The following ADAMTS3 variants were observed in gnomAD, a reference collection of about 807,000 sequenced individuals.
The protein encoded by ADAMTS3 is A disintegrin and metalloproteinase with thrombospondin motifs 3.
ADAMTS3 carries 73 observed loss-of-function variants against 129.0 expected under a neutral mutation model. The observed-to-expected ratio is 0.57, with a 90% CI of 0.47 to 0.69. The LOEUF is 0.69. ADAMTS3 is among the 30% of genes least tolerant of loss of function. The pLI is 0.00. For missense variants in ADAMTS3, 1,457 were observed against 1,514.5 expected (o/e 0.96, Z 0.63); for synonymous variants, 477 against 510.8 (o/e 0.93, Z 0.89).
At chr4:72,331,407 T>C (rs1188244505) in intron 5 of ADAMTS3, among the ~76,000 whole-genome samples, 2 of 151,388 alleles carry the variant, frequency 1.3e-5, no homozygotes, top group Non-Finnish European at 2.9e-5. Context: ...AAACTATGTG[T>C]TCATGTTCAT....
intron 4 of ADAMTS3, among the ~76,000 whole-genome samples, chr4:72,366,366 G>A (rs932701386): frequency 1.3e-5 from 2 of 152,128 alleles, no homozygotes; most frequent in Non-Finnish European, 1.5e-5. Flanking sequence ...GGTAGAAGAC[G>A]ATGTGAAGTT....
intron 2 of ADAMTS3, among the ~76,000 whole-genome samples, chr4:72,554,690 A>G (rs1721720741): frequency 6.6e-6 from 1 of 151,682 alleles, no homozygotes; most frequent in African/African-American, 2.4e-5. Flanking sequence ...CTTTTCTTCT[A>G]ATTGCTTTTA....
At chr4:72,433,090 T>C (rs1214244095) in intron 3 of ADAMTS3, among the ~76,000 whole-genome samples, 1 of 151,892 alleles carries the variant, frequency 6.6e-6, no homozygotes, top group Non-Finnish European at 1.5e-5. Flanking sequence ...TATGCTGACT[T>C]TTTTTCCCGA....
At chr4:72,313,541 G>T in intron 12 of ADAMTS3, 136 bp downstream of exon 12, 1 of 840,984 alleles carries the variant, frequency 1.2e-6, no homozygotes, top group Non-Finnish European at 1.8e-6. Flanking sequence ...AACACAGACT[G>T]GTTTATGAAC....
At chr4:72,488,119 A>T (rs1341305954) in intron 3 of ADAMTS3, among the ~76,000 whole-genome samples, 1 of 152,040 alleles carries the variant, frequency 6.6e-6, no homozygotes, top group East Asian at 1.9e-4. Context: ...GGAGTGATTA[A>T]CCATGATCCT....
intron 4 of ADAMTS3, among the ~76,000 whole-genome samples, chr4:72,391,099 A>G (rs34916258): frequency 0.013 from 2,015 of 152,280 alleles, 20 homozygotes; most frequent in Non-Finnish European, 0.019. Context: ...AGTTACGGGT[A>G]ACATCACTGA....
intron 3 of ADAMTS3, among the ~76,000 whole-genome samples, chr4:72,480,022 A>G (rs2110004436): frequency 6.6e-6 from 1 of 152,216 alleles, no homozygotes; most frequent in Non-Finnish European, 1.5e-5. Context: ...TTAGAATGGC[A>G]ATCATTAAAA....
At chr4:72,477,632 C>T (rs1719278957) in intron 3 of ADAMTS3, among the ~76,000 whole-genome samples, 1 of 152,036 alleles carries the variant, frequency 6.6e-6, no homozygotes, top group African/African-American at 2.4e-5. Flanking sequence ...ATTAAAAGAT[C>T]TAGAAAAGCA....
chr4:72,350,042 T>C (rs904007236), intron 4 of ADAMTS3, among the ~76,000 whole-genome samples: 1 of 152,082 alleles, frequency 6.6e-6, no homozygotes, highest in African/African-American at 2.4e-5. Context: ...ATATTATTAA[T>C]GGAATACTAT....
chr4:72,442,201 G>T (rs2109961282), intron 3 of ADAMTS3: 1 of 151,936 alleles, frequency 6.6e-6, no homozygotes, highest in South Asian at 2.1e-4. Context: ...TGTCTCACAG[G>T]TGTGATGACA....
At chr4:72,352,777 G>T (rs1325925174) in intron 4 of ADAMTS3, among the ~76,000 whole-genome samples, 1 of 151,824 alleles carries the variant, frequency 6.6e-6, no homozygotes, top group African/African-American at 2.4e-5. Flanking sequence ...AAATAGGGTG[G>T]GCCCTTCCAG....
intron 3 of ADAMTS3, among the ~76,000 whole-genome samples, chr4:72,548,016 G>A (rs904818327): frequency 4.6e-5 from 7 of 152,244 alleles, no homozygotes; most frequent in African/African-American, 1.7e-4. Context: ...CAGAGAATCT[G>A]CTCATTTCCC....
intron 18 of ADAMTS3, 54 bp downstream of exon 18, chr4:72,298,223 G>T: frequency 6.8e-7 from 1 of 1,469,066 alleles, no homozygotes; most frequent in Non-Finnish European, 9.3e-7. Context: ...GTAGAAGCAA[G>T]ATTGGTTTTT....
chr4:72,478,758 T>G (rs974446915), intron 3 of ADAMTS3, among the ~76,000 whole-genome samples: 15 of 152,154 alleles, frequency 9.9e-5, no homozygotes, highest in Non-Finnish European at 1.9e-4. Flanking sequence ...AAATTGTCCC[T>G]GTTTGCAGTT....
intron 2 of ADAMTS3, among the ~76,000 whole-genome samples, chr4:72,564,938 G>A (rs1047629548): frequency 9.2e-5 from 14 of 152,156 alleles, no homozygotes; most frequent in Non-Finnish European, 1.9e-4. Flanking sequence ...TAGAAGTCAG[G>A]AGAGCAGTCA....
chr4:72,534,760 A>G (rs1387065967), intron 3 of ADAMTS3, among the ~76,000 whole-genome samples: 3 of 152,220 alleles, frequency 2.0e-5, no homozygotes, highest in Admixed American at 6.5e-5. Context: ...AATACAGCCC[A>G]TATTTCAAAC....
chr4:72,373,438 T>C (rs1721062358), intron 4 of ADAMTS3, among the ~76,000 whole-genome samples: 1 of 152,142 alleles, frequency 6.6e-6, no homozygotes, highest in African/African-American at 2.4e-5. Flanking sequence ...ATACAATGGA[T>C]TACTATTCAG....
chr4:72,535,975 A>G (rs896001408), intron 3 of ADAMTS3, among the ~76,000 whole-genome samples: 2 of 152,176 alleles, frequency 1.3e-5, no homozygotes, highest in Non-Finnish European at 1.5e-5. Flanking sequence ...ACGCCAGGTT[A>G]ATTCTATTCC....
chr4:72,554,902 T>C (rs36055662), intron 2 of ADAMTS3, among the ~76,000 whole-genome samples: 14,163 of 151,904 alleles, frequency 0.093, 903 homozygotes, highest in Non-Finnish European at 0.14. Context: ...ACATTAGCTC[T>C]TATCTGTAAA....
Sources: allele counts gnomAD v4.1 joint callset (sites outside exome capture counted in the v4.1 genomes callset), GRCh38; gene constraint gnomAD v4.1.1; transcripts MANE v1.5; gene names NCBI Gene and HGNC (gene_info 2026-07-23, HGNC 2026-07-21).